Variants in FGF13 observed in about 807,000 individuals in gnomAD.
The protein encoded by FGF13 is fibroblast growth factor homologous factor 2.
FGF13 carries 2 observed loss-of-function variants against 19.5 expected under a neutral mutation model. That is an observed-to-expected ratio of 0.10 (90% confidence interval 0.04 to 0.32). The LOEUF (loss-of-function observed/expected upper bound fraction) is 0.32, where lower values mean the gene tolerates loss of function less well. Among genes scored for constraint, FGF13 ranks in the 10% least tolerant of loss-of-function variants. FGF13 has a pLI of 1.00. For missense variants in FGF13, 113 were observed against 192.7 expected, an observed-to-expected ratio of 0.59 and a Z score of 2.45; for synonymous variants, 72 against 76.9, an observed-to-expected ratio of 0.94 and a Z score of 0.33.
At chrX:139,194,512 T>TA (rs1192935040) in intron 1 of FGF13, among the ~76,000 whole-genome samples, 1 of 112,583 alleles carries the variant, frequency 8.9e-6, no homozygotes, top group Non-Finnish European at 1.9e-5. Flanking sequence ...TTTGAGCAGC[T>TA]AAAGTCAAAT....
intron 1 of FGF13, among the ~76,000 whole-genome samples, chrX:138,951,654 T>C (rs150449870): frequency 0.021 from 2,315 of 111,374 alleles, 27 homozygotes; most frequent in South Asian, 0.076. Flanking sequence ...ACCATGGAAA[T>C]ATCAGGAAAT....
At chrX:139,203,584 G>A (rs1167861856), upstream of FGF13, 1 of 104,702 alleles carries the variant, frequency 9.6e-6, no homozygotes, top group Non-Finnish European at 1.9e-5. Flanking sequence ...TTTGCATTGG[G>A]GGCGGGGAGA....
chrX:138,626,385 G>A lies in FGF13; in HGVS notation c.*6465C>T, dbSNP rs2089063955. The A allele has an allele frequency of 1.8e-5, 2 of 112,105 alleles. No individual in the cohort carries two copies. Among genetic ancestry groups the A allele is most frequent in the Non-Finnish European group, 1.9e-5 (1 of 53,211 alleles). The allele number at this position is 112,105 out of a possible 1,213,427, so 9.2% of individuals were successfully genotyped here. On this transcript the variant is annotated 3_prime_UTR_variant, in exon 5 of 5. Coordinates refer to ENST00000315930, the MANE Select transcript of FGF13 (RefSeq NM_004114.5). Reference sequence around the variant, plus strand: ...TCTGTTTTGTTTTATGTGACACAGAGCGTCTACACTTCCCTTCTGGCTGTT... The same window carrying A: ...TCTGTTTTGTTTTATGTGACACAGAACGTCTACACTTCCCTTCTGGCTGTT...
chrX:139,049,878 C>T (rs976108272), intron 1 of FGF13, among the ~76,000 whole-genome samples: 15 of 112,160 alleles, frequency 1.3e-4, no homozygotes, highest in Non-Finnish European at 2.4e-4. Flanking sequence ...AACATTTGAG[C>T]GAGATCTAAA....
chrX:138,783,714 G>C (rs1383483952), intron 3 of FGF13, among the ~76,000 whole-genome samples: 7 of 105,262 alleles, frequency 6.7e-5, no homozygotes, highest in African/African-American at 2.4e-4. Flanking sequence ...TACACTGTTG[G>C]TGGGACTGTC....
At chrX:139,006,076 A>C (rs1196565113) in intron 1 of FGF13, among the ~76,000 whole-genome samples, 1 of 111,466 alleles carries the variant, frequency 9.0e-6, no homozygotes, top group Non-Finnish European at 1.9e-5. Context: ...ATCCAACTAC[A>C]AAAAAGTTAT....
At chrX:138,665,442 G>A (rs953919549) in intron 3 of FGF13, among the ~76,000 whole-genome samples, 1 of 111,456 alleles carries the variant, frequency 9.0e-6, no homozygotes, top group African/African-American at 3.3e-5. Flanking sequence ...GCTGTTTCCT[G>A]TGCCTTTTAA....
At chrX:138,683,399 A>ACT (rs756855993) in intron 3 of FGF13, among the ~76,000 whole-genome samples, 28 of 104,601 alleles carry the variant, frequency 2.7e-4, no homozygotes, top group African/African-American at 6.4e-4. Flanking sequence ...ACACAAACAC[A>ACT]CTCTCTCTCT....
intron 3 of FGF13, among the ~76,000 whole-genome samples, chrX:138,754,005 T>C (rs2090415993): frequency 8.9e-6 from 1 of 112,006 alleles, no homozygotes; most frequent in East Asian, 2.8e-4. Flanking sequence ...GACTCACAAC[T>C]GACAAAATGC....
At chrX:138,721,808 A>G (rs1482939403) in intron 1 of FGF13, among the ~76,000 whole-genome samples, 1 of 110,234 alleles carries the variant, frequency 9.1e-6, no homozygotes, top group Non-Finnish European at 1.9e-5. Flanking sequence ...TTATATATAA[A>G]ATATATATAC....
At chrX:138,828,344 G>A (rs982051426) in intron 3 of FGF13, among the ~76,000 whole-genome samples, 39 of 110,361 alleles carry the variant, frequency 3.5e-4, no homozygotes, top group African/African-American at 1.2e-3. Flanking sequence ...CGAGGCGGGC[G>A]GATCACGAGG....
At chrX:139,116,191 G>T (rs2083638573) in intron 1 of FGF13, among the ~76,000 whole-genome samples, 1 of 111,944 alleles carries the variant, frequency 8.9e-6, no homozygotes, top group Non-Finnish European at 1.9e-5. Context: ...CCCTTATTGT[G>T]GGCTACTTTT....
chrX:139,174,494 T>C (rs893360428), intron 1 of FGF13, among the ~76,000 whole-genome samples: 3 of 112,456 alleles, frequency 2.7e-5, no homozygotes, highest in Admixed American at 9.4e-5. Flanking sequence ...ATGTCCTGAA[T>C]GGTATTGCCT....
chrX:138,789,917 C>A (rs1463734879), intron 3 of FGF13, among the ~76,000 whole-genome samples: 1 of 104,933 alleles, frequency 9.5e-6, no homozygotes, highest in East Asian at 3.1e-4. Flanking sequence ...TAGTGGCAGG[C>A]GCCTGTAGTC....
chrX:139,022,894 T>C (rs754254309), intron 1 of FGF13, among the ~76,000 whole-genome samples: 1 of 111,611 alleles, frequency 9.0e-6, no homozygotes, highest in African/African-American at 3.2e-5. Context: ...GATGTTACTT[T>C]TCAGTTCTGA....
intron 2 of FGF13, among the ~76,000 whole-genome samples, chrX:138,706,095 T>C (rs5976191): frequency 0.016 from 1,803 of 112,400 alleles, 29 homozygotes; most frequent in African/African-American, 0.053. Flanking sequence ...CTTCATCAGT[T>C]GGCCAAGGTC....
chrX:139,162,698 A>G (rs979051656), intron 1 of FGF13, among the ~76,000 whole-genome samples: 20 of 112,422 alleles, frequency 1.8e-4, no homozygotes, highest in East Asian at 5.6e-4. Flanking sequence ...TTTACAAGAT[A>G]AAAACAAACA....
At chrX:138,983,005 T>C (rs1471655501) in intron 1 of FGF13, among the ~76,000 whole-genome samples, 1 of 112,103 alleles carries the variant, frequency 8.9e-6, no homozygotes, top group Non-Finnish European at 1.9e-5. Context: ...TCTACATATT[T>C]TGGATATTAA....
At chrX:138,956,094 C>A (rs1208840770) in intron 1 of FGF13, among the ~76,000 whole-genome samples, 1 of 111,602 alleles carries the variant, frequency 9.0e-6, no homozygotes, top group Non-Finnish European at 1.9e-5. Flanking sequence ...GGTCGTTTTG[C>A]CAGTGGCCTG....
Sources: allele counts gnomAD v4.1 joint callset (sites outside exome capture counted in the v4.1 genomes callset), GRCh38; gene constraint gnomAD v4.1.1; transcripts MANE v1.5; gene names NCBI Gene and HGNC (gene_info 2026-07-23, HGNC 2026-07-21).